Variants in KLHL26 observed in about 807,000 individuals in gnomAD.
KLHL26 encodes kelch like family member 26, also known as kelch-like protein 26.
Under a neutral mutation model 7.1 loss-of-function variants are expected in KLHL26, and 4 were observed. The observed-to-expected ratio is 0.56, with a 90% confidence interval of 0.28 to 1.28. The LOEUF (loss-of-function observed/expected upper bound fraction) is 1.28. Ranked by LOEUF, KLHL26 falls within the 50% of genes most tolerant of loss-of-function variation. KLHL26 has a pLI of 0.11. For synonymous variants in KLHL26, 465 were observed against 414.1 expected (o/e 1.12, Z -1.49); for missense variants, 896 against 924.6 (o/e 0.97, Z 0.40).
chr19:18,652,644 C>T (rs1314745286), intron 1 of KLHL26, among the ~76,000 whole-genome samples: 1 of 151,822 alleles, frequency 6.6e-6, no homozygotes, highest in Non-Finnish European at 1.5e-5. Flanking sequence ...CACCTGGGAG[C>T]CATCCACCTG....
intron 1 of KLHL26, among the ~76,000 whole-genome samples, chr19:18,639,399 T>C (rs1284593630): frequency 7.0e-6 from 1 of 141,950 alleles, no homozygotes; most frequent in Admixed American, 7.3e-5. Flanking sequence ...TAATTTATCA[T>C]TAAGTTTTTT....
chr19:18,658,622 T>TC (rs150328203), intron 1 of KLHL26, among the ~76,000 whole-genome samples: 2,026 of 150,020 alleles, frequency 0.014, 48 homozygotes, highest in African/African-American at 0.048. Context: ...TCCCTGGGTC[T>TC]CCGTCTCCCT....
At chr19:18,647,682 T>G (rs1382319870) in intron 1 of KLHL26, among the ~76,000 whole-genome samples, 4 of 141,052 alleles carry the variant, frequency 2.8e-5, no homozygotes, top group Non-Finnish European at 3.1e-5. Flanking sequence ...AACAGGAGAA[T>G]GGGGAGGGAG....
Position 18,647,107 on chromosome 19 carries a change from G to A in KLHL26, c.83+9970G>A, listed in dbSNP as rs181573585. Among the ~76,000 whole-genome samples, 377 of 152,328 alleles carry A rather than the reference G, an allele frequency of 2.5e-3. 3 individuals carry two copies. The highest frequency in any genetic ancestry group is 8.5e-3 in the African/African-American group (355 of 41,570). ...AGCTGAGCCCCTTCTCTGGGAAGGA[G>A]GCCACCCTCTCCTCCCCTCCTTGTC... On this transcript the variant is annotated intron_variant, in intron 1 of 2. Coordinates refer to ENST00000300976, the MANE Select transcript of KLHL26 (RefSeq NM_018316.3).
Position 18,649,918 on chromosome 19 carries a change from G to GGA in KLHL26, c.83+12783_83+12784dup, listed in dbSNP as rs1431651831. ...GATTTCAGACCCCTCACTGCGCAGCGGAGTGCCTGATCGCTCTGTGTGCAC... is the reference window on the plus strand; with the variant it reads ...GATTTCAGACCCCTCACTGCGCAGCGGAGAGTGCCTGATCGCTCTGTGTGCAC... On this transcript the variant is annotated intron_variant, in intron 1 of 2. Transcript: ENST00000300976. This position sits in a 1 kb window ranked among gnomAD's most constrained non-coding sequence, Gnocchi z 4.0. Among the ~76,000 whole-genome samples, 4 of 152,224 alleles carry GGA rather than the reference G, an allele frequency of 2.6e-5. No individual in the cohort carries two copies. The highest frequency in any genetic ancestry group is 4.4e-5 in the Non-Finnish European group (3 of 68,046).
At chr19:18,664,615 G>A (rs1389384360) in intron 2 of KLHL26, among the ~76,000 whole-genome samples, 172 bp downstream of exon 2, 5 of 151,430 alleles carry the variant, frequency 3.3e-5, no homozygotes, top group Admixed American at 1.3e-4. Flanking sequence ...GGAGTCTCGC[G>A]CTGTTGCCCA....
chr19:18,640,491 C>A (rs534453770), intron 1 of KLHL26, among the ~76,000 whole-genome samples: 27 of 152,112 alleles, frequency 1.8e-4, no homozygotes, highest in African/African-American at 6.5e-4. Context: ...AATCTTCCCA[C>A]CTCTGCCTCC....
intron 1 of KLHL26, among the ~76,000 whole-genome samples, chr19:18,642,383 T>TGTGTGTGTGTGTGTGTG: frequency 1.6e-5 from 1 of 61,574 alleles, no homozygotes; most frequent in East Asian, 5.5e-4. Flanking sequence ...GTGTGTGTGT[T>TGTGTGTGTGTGTGTGTG]TGAGATGGAG....
intron 1 of KLHL26, among the ~76,000 whole-genome samples, chr19:18,640,097 G>T (rs1976686941): frequency 6.6e-6 from 1 of 151,548 alleles, no homozygotes; most frequent in Non-Finnish European, 1.5e-5. Context: ...TTGATGGACT[G>T]TTGGGTTGTT....
chr19:18,656,493 C>T lies in KLHL26; in HGVS notation c.84-7768C>T, dbSNP rs542978681. 3.9e-5 allele frequency among the ~76,000 whole-genome samples: 6 copies of T among 152,274 alleles called. No individual in the cohort carries two copies. Among genetic ancestry groups the T allele is most frequent in the African/African-American group, 1.4e-4 (6 of 41,570 alleles). On this transcript the variant is annotated intron_variant, in intron 1 of 2. Coordinates refer to ENST00000300976, the MANE Select transcript of KLHL26 (RefSeq NM_018316.3). The surrounding 1 kb of genome is among the most constrained non-coding windows in gnomAD (Gnocchi z 4.4). ...CTCCTGCTAGGCACTCCCAGATGCTCTGTCTCCTGTCATTCTGTCCCCACC... is the reference window on the plus strand; with the variant it reads ...CTCCTGCTAGGCACTCCCAGATGCTTTGTCTCCTGTCATTCTGTCCCCACC...
intron 1 of KLHL26, among the ~76,000 whole-genome samples, chr19:18,655,743 C>T (rs1280208022): frequency 6.6e-6 from 1 of 152,204 alleles, no homozygotes; most frequent in Non-Finnish European, 1.5e-5. Context: ...TGAACACCCC[C>T]TTGTCTTCTG....
intron 2 of KLHL26, among the ~76,000 whole-genome samples, chr19:18,666,656 G>C (rs2052450956): frequency 6.6e-6 from 1 of 152,150 alleles, no homozygotes; most frequent in Non-Finnish European, 1.5e-5. Context: ...CGTAGCTGTT[G>C]GGTGGGAGGT....
intron 1 of KLHL26, among the ~76,000 whole-genome samples, chr19:18,640,122 T>G (rs751324242): frequency 6.6e-6 from 1 of 151,912 alleles, no homozygotes; most frequent in Non-Finnish European, 1.5e-5. Context: ...TTTTGACAAC[T>G]GCAAATAAAG....
At position 18,669,555 on chromosome 19, in the gene KLHL26, C is replaced by T. The variant is rs534363675; in HGVS notation, c.*310C>T. ...CGGGCTGGCGGGTGGAATCCCAGGTCTCCAGGGGGTCCCTGTGCAGCTCCA... is the reference window on the plus strand; with the variant it reads ...CGGGCTGGCGGGTGGAATCCCAGGTTTCCAGGGGGTCCCTGTGCAGCTCCA... On this transcript the variant is annotated 3_prime_UTR_variant, in exon 3 of 3. Coordinates refer to ENST00000300976, the MANE Select transcript of KLHL26 (RefSeq NM_018316.3). 1 of 559,560 alleles carries T rather than the reference C, an allele frequency of 1.8e-6. No individual in the cohort carries two copies. Among genetic ancestry groups the T allele is most frequent in the East Asian group, 3.0e-5 (1 of 33,704 alleles). The allele number at this position is 559,560 out of a possible 1,614,324, so 34.7% of individuals were successfully genotyped here.
chr19:18,647,429 A>G (rs1252942745), intron 1 of KLHL26, among the ~76,000 whole-genome samples: 2 of 152,098 alleles, frequency 1.3e-5, no homozygotes, highest in African/African-American at 4.8e-5. Flanking sequence ...TCCTCACTCC[A>G]GCCCTTTGGT....
In KLHL26 at chr19:18,669,145, C is replaced by T. The variant is rs777926890; in HGVS notation, c.1748C>T (p.Thr583Met). The T allele has an allele frequency of 3.1e-5, 50 of 1,612,752 alleles. No individual in the cohort carries two copies. The highest frequency in any genetic ancestry group is 3.8e-5 in the Non-Finnish European group (45 of 1,179,944). Residue 583 changes from threonine (T) to methionine (M), a missense_variant, in exon 3 of 3, where the codon ACG becomes ATG. By Grantham distance (81) the Thr-to-Met change is moderately conservative. Transcript: ENST00000300976. ...ACGGGCATCGTACAGGTGTACAACA[C>T]GGACACCGACGAGTGGGAGCGGGAC... ...NVTGIVQVYN[T>M]DTDEWERDLH...
At chr19:18,664,864 G>A (rs538009396) in intron 2 of KLHL26, among the ~76,000 whole-genome samples, 2 of 152,120 alleles carry the variant, frequency 1.3e-5, no homozygotes, top group East Asian at 1.9e-4. Flanking sequence ...GATTATAGGC[G>A]TGAGCCACCG....
In KLHL26 at chr19:18,668,422, G is replaced by A. The variant is rs758695712; in HGVS notation, c.1025G>A (p.Arg342His). The A allele has an allele frequency of 1.1e-5, 18 of 1,611,208 alleles. No individual in the cohort carries two copies. The highest frequency in any genetic ancestry group is 3.3e-5 in the South Asian group (3 of 91,054). ...CCTGAGCCGGGAGCCCGCCACTTCC[G>A]CGAGCTCACGGAGATGGAGGTAGGC... ...QLPEPGARHF[R>H]ELTEMEVGCS... Residue 342 changes from arginine to histidine, a missense_variant, in exon 3 of 3, where the codon CGC becomes CAC. By Grantham distance (29) the Arg-to-His change is conservative. Coordinates refer to ENST00000300976, the MANE Select transcript of KLHL26 (RefSeq NM_018316.3).
At chr19:18,642,239 C>T (rs1268148946) in intron 1 of KLHL26, among the ~76,000 whole-genome samples, 1 of 152,096 alleles carries the variant, frequency 6.6e-6, no homozygotes, top group Non-Finnish European at 1.5e-5. Flanking sequence ...ACGTCTCCTT[C>T]CTCTTCATCC....
Sources: gnomAD v4.1 joint callset for allele counts (sites outside exome capture counted in the v4.1 genomes callset) on GRCh38, gnomAD v4.1.1 for gene constraint, Gnocchi (gnomAD v3.1) non-coding constraint, MANE v1.5 for transcripts, NCBI Gene and HGNC (gene_info 2026-07-23, HGNC 2026-07-21) for gene names.